The following SH3GLB1 variants were observed in gnomAD, a reference collection of about 807,000 sequenced individuals.
SH3GLB1 encodes endophilin-B1.
SH3GLB1 carries 17 observed loss-of-function variants against 42.0 expected under a neutral mutation model. The ratio of observed to expected loss-of-function variants is 0.40; its 90% confidence interval spans 0.28 to 0.61. The LOEUF is 0.61. Among genes scored for constraint, SH3GLB1 ranks in the 20% least tolerant of loss-of-function variants. SH3GLB1 has a pLI of 0.36. For missense variants in SH3GLB1, 355 were observed against 426.3 expected (o/e 0.83, Z 1.47); for synonymous variants, 132 against 146.6 (o/e 0.90, Z 0.72).
At chr1:86,705,039 G>C (rs577610265) in intron 1 of SH3GLB1, 68 bp downstream of exon 1, 4 of 1,090,804 alleles carry the variant, frequency 3.7e-6, no homozygotes, top group African/African-American at 3.3e-5. Context: ...ACCGCAGCTC[G>C]ACGCGGCGCC....
In SH3GLB1 at chr1:86,724,325, C is replaced by T; in HGVS notation, c.490C>T (p.Leu164=). 1 of 1,584,916 alleles carries T rather than the reference C, an allele frequency of 6.3e-7. No individual in the cohort carries two copies. The highest frequency in any genetic ancestry group is 2.2e-5 in the East Asian group (1 of 44,544). ...DYKTIAKERK[L]LQNKRLDLDA... ...TCTATATTTATAGAAAGAAAGGAAA[C>T]TATTGCAAAATAAGAGACTGGATTT... Residue 164 remains leucine, a synonymous_variant, in exon 5 of 9, where the codon CTA becomes TTA. Transcript: ENST00000370558.
intron 5 of SH3GLB1, among the ~76,000 whole-genome samples, chr1:86,731,850 T>TG (rs1326414048): frequency 6.6e-6 from 1 of 151,960 alleles, no homozygotes; most frequent in Non-Finnish European, 1.5e-5. Flanking sequence ...AAGGCCGAGG[T>TG]GGGCAGATCA....
At chr1:86,710,202 T>G (rs1654119627) in intron 1 of SH3GLB1, among the ~76,000 whole-genome samples, 1 of 152,350 alleles carries the variant, frequency 6.6e-6, no homozygotes, top group Middle Eastern at 3.4e-3. Flanking sequence ...ACTTATGTAC[T>G]ACATGAGTAA....
intron 4 of SH3GLB1, among the ~76,000 whole-genome samples, chr1:86,722,944 A>G (rs1570265600): frequency 6.6e-6 from 1 of 152,322 alleles, no homozygotes; most frequent in East Asian, 1.9e-4. Context: ...GGTTCCTGGA[A>G]TGATTATGAA....
At chr1:86,720,095 A>G (rs1308183713) in intron 3 of SH3GLB1, among the ~76,000 whole-genome samples, 1 of 152,062 alleles carries the variant, frequency 6.6e-6, no homozygotes, top group African/African-American at 2.4e-5. Context: ...GCAAATATAT[A>G]CAGTTAAATG....
At chr1:86,743,008 A>G in intron 8 of SH3GLB1, 120 bp from the exon 9 acceptor site, 2 of 764,316 alleles carry the variant, frequency 2.6e-6, no homozygotes, top group East Asian at 5.3e-5. Flanking sequence ...AGCACAATTG[A>G]TAATAACGTT....
Position 86,748,004 on chromosome 1 carries a change from G to A in SH3GLB1, c.*4769G>A, listed in dbSNP as rs930178918. 5 of 152,106 alleles carry A rather than the reference G, an allele frequency of 3.3e-5. No homozygotes were observed. The highest frequency in any genetic ancestry group is 1.5e-5 in the Non-Finnish European group (1 of 68,034). The allele number at this position is 152,106 out of a possible 1,614,324, so 9.4% of individuals were successfully genotyped here. ...TATAGATATTTTTAATGGGATCAAA[G>A]TGTACATACTGTTTTGTAACTTTTT... On this transcript the variant is annotated 3_prime_UTR_variant, in exon 9 of 9. Coordinates refer to ENST00000370558, the MANE Select transcript of SH3GLB1 (RefSeq NM_016009.5).
intron 1 of SH3GLB1, among the ~76,000 whole-genome samples, chr1:86,711,700 G>A (rs906669365): frequency 1.3e-5 from 2 of 151,940 alleles, no homozygotes; most frequent in African/African-American, 4.8e-5. Context: ...AAATTTTTAT[G>A]GGTTAATTTA....
chr1:86,725,379 A>G, intron 5 of SH3GLB1, among the ~76,000 whole-genome samples: 1 of 152,156 alleles, frequency 6.6e-6, no homozygotes, highest in East Asian at 1.9e-4. Context: ...ACCTCAGAAT[A>G]TTGAGTAGGT....
intron 5 of SH3GLB1, among the ~76,000 whole-genome samples, chr1:86,726,629 T>A (rs188131575): frequency 6.8e-4 from 104 of 151,942 alleles, no homozygotes; most frequent in African/African-American, 2.4e-3. Context: ...CCAAATACTA[T>A]TTTTTTAGTC....
At position 86,704,993 on chromosome 1, in the gene SH3GLB1, A is replaced by G. The variant is rs1301701210; in HGVS notation, c.72+22A>G. ...GCAGGTACCCTGGTGCTGGGGGGAA[A>G]AGGGGTGGCGGCGCCCGGGAAGGTT... On this transcript the variant is annotated intron_variant, in intron 1 of 8. Transcript: ENST00000370558. 3.3e-6 allele frequency: 5 copies of G among 1,536,022 alleles called. No homozygotes were observed. In the South Asian group the frequency reaches 3.6e-5, roughly 11 times the overall value.
chr1:86,721,464 A>G (rs899290190), intron 3 of SH3GLB1, among the ~76,000 whole-genome samples: 10 of 152,176 alleles, frequency 6.6e-5, no homozygotes, highest in African/African-American at 2.2e-4. Context: ...CTTCCTTATC[A>G]GTCAGATCAA....
Position 86,745,783 on chromosome 1 carries a change from T to C in SH3GLB1, c.*2548T>C, listed in dbSNP as rs1656271582. The C allele has an allele frequency of 6.6e-6, 1 of 152,334 alleles. No homozygotes were observed. Among genetic ancestry groups the C allele is most frequent in the Admixed American group, 6.5e-5 (1 of 15,288 alleles). 9.4% of individuals were successfully genotyped at this position (152,334 alleles called of 1,614,324 possible). A position where few individuals can be genotyped will look rare whatever the true frequency, so the allele number is the denominator to read the frequency against. ...TTTACTCAGGTAAAGGCCTGAAGTT[T>C]CTTGGGCGTGGAAGAAAAAGCTTGG... On this transcript the variant is annotated 3_prime_UTR_variant, in exon 9 of 9. Transcript: ENST00000370558.
intron 7 of SH3GLB1, among the ~76,000 whole-genome samples, chr1:86,739,629 C>T (rs568097141): frequency 1.2e-4 from 18 of 152,030 alleles, no homozygotes; most frequent in Admixed American, 2.0e-4. Context: ...AGGCAGTAGT[C>T]GGAGGAGAAA....
intron 7 of SH3GLB1, among the ~76,000 whole-genome samples, chr1:86,739,570 A>T (rs372828): frequency 0.33 from 49,490 of 151,754 alleles, 10,536 homozygotes; most frequent in African/African-American, 0.62. Context: ...GACCGTAAGA[A>T]TACGTAAATC....
At chr1:86,739,273 T>A (rs770330944) in intron 7 of SH3GLB1, among the ~76,000 whole-genome samples, 2 of 152,174 alleles carry the variant, frequency 1.3e-5, no homozygotes, top group Non-Finnish European at 2.9e-5. Context: ...GATCAAGGAC[T>A]GATCCCTGAA....
rs763610934 is a variant in SH3GLB1, at chr1:86,722,568, C to T, written c.372C>T (p.Thr124=). 3.1e-6 allele frequency: 5 copies of T among 1,596,890 alleles called. No homozygotes were observed. The highest frequency in any genetic ancestry group is 4.3e-6 in the Non-Finnish European group (5 of 1,172,858). Residue 124 remains threonine, a synonymous_variant, in exon 4 of 9, where the codon ACC becomes ACT. Transcript: ENST00000370558. ...ATGCCCTTATTAAATGTGGAGAAAC[C>T]CAAAAAAGAATTGGAACAGCAGACA... ...YGNALIKCGE[T]QKRIGTADRE...
rs1243633326 is a variant in SH3GLB1 at position 86,704,651 on chromosome 1, G to T, written c.-249G>T. 2 of 353,650 alleles carry T rather than the reference G, an allele frequency of 5.7e-6. No individual in the cohort carries two copies. Among genetic ancestry groups the T allele is most frequent in the Non-Finnish European group, 1.0e-5 (2 of 192,628 alleles). 21.9% of individuals were successfully genotyped at this position (353,650 alleles called of 1,614,324 possible). A position where few individuals can be genotyped will look rare whatever the true frequency, so the allele number is the denominator to read the frequency against. On this transcript the variant is annotated 5_prime_UTR_variant, in exon 1 of 9. Coordinates refer to ENST00000370558, the MANE Select transcript of SH3GLB1 (RefSeq NM_016009.5). ...CGGCTCGCCCGCGGGGCCCATCGTC[G>T]ACGTTAGCGGCCGTTCTCCGAGCCG...
intron 7 of SH3GLB1, among the ~76,000 whole-genome samples, chr1:86,740,102 A>C (rs568182541): frequency 5.3e-5 from 8 of 152,114 alleles, no homozygotes; most frequent in Admixed American, 4.6e-4. Flanking sequence ...GTGAGCCAAG[A>C]TTGAACCACT....
Sources: gnomAD v4.1 joint callset for allele counts (sites outside exome capture counted in the v4.1 genomes callset) on GRCh38, gnomAD v4.1.1 for gene constraint, MANE v1.5 for transcripts, NCBI Gene and HGNC (gene_info 2026-07-23, HGNC 2026-07-21) for gene names.